The following AKAP12 variants were observed in gnomAD, a reference collection of about 807,000 sequenced individuals.
The protein encoded by AKAP12 is A-kinase anchor protein 12.
AKAP12 carries 32 observed loss-of-function variants against 79.9 expected under a neutral mutation model. The observed-to-expected ratio is 0.40, with a 90% CI of 0.30 to 0.54. The LOEUF (loss-of-function observed/expected upper bound fraction) is 0.54, where lower values mean the gene tolerates loss of function less well. Ranked by LOEUF, AKAP12 falls within the 20% of genes least tolerant of loss-of-function variation. The pLI, the probability that AKAP12 is intolerant of heterozygous loss-of-function variation, is 0.48. For synonymous variants in AKAP12, 808 were observed against 857.0 expected (o/e 0.94, Z 1.00); for missense variants, 2,074 against 2,177.0 (o/e 0.95, Z 0.94).
chr6:151,249,102 T>G (rs1356852958), intron 2 of AKAP12, among the ~76,000 whole-genome samples: 1 of 152,226 alleles, frequency 6.6e-6, no homozygotes, highest in East Asian at 1.9e-4. Context: ...CTGTGACTTT[T>G]CGGTGTTCCC....
intron 2 of AKAP12, among the ~76,000 whole-genome samples, chr6:151,272,026 T>A (rs1331356439): frequency 3.3e-5 from 5 of 152,146 alleles, no homozygotes; most frequent in Non-Finnish European, 7.3e-5. Flanking sequence ...TAACCTTAAA[T>A]ATATTTTATA....
At chr6:151,252,705 A>G (rs9397039) in intron 2 of AKAP12, among the ~76,000 whole-genome samples, 90,288 of 144,160 alleles carry the variant, frequency 0.63, 28,510 homozygotes, top group Admixed American at 0.67. Flanking sequence ...ACCAGCCTGG[A>G]CAAGATACCA....
chr6:151,261,733 T>TTTTA (rs59211098), intron 2 of AKAP12, among the ~76,000 whole-genome samples: 10,650 of 143,906 alleles, frequency 0.074, 479 homozygotes, highest in Admixed American at 0.13. Flanking sequence ...GTTTTTATTA[T>TTTTA]TTTATTTATT....
At chr6:151,270,674 T>C (rs1266539227) in intron 2 of AKAP12, among the ~76,000 whole-genome samples, 1 of 152,186 alleles carries the variant, frequency 6.6e-6, no homozygotes, top group Non-Finnish European at 1.5e-5. Flanking sequence ...AATTTCTCTA[T>C]ATCCTTGGTA....
chr6:151,345,792 A>T (rs1312269681), intron 3 of AKAP12, among the ~76,000 whole-genome samples: 3 of 95,812 alleles, frequency 3.1e-5, no homozygotes, highest in Non-Finnish European at 1.9e-5. Context: ...ACTCTGTCTT[A>T]AAAAAAAAAA....
chr6:151,336,514 G>A (rs1474079086), intron 3 of AKAP12, among the ~76,000 whole-genome samples: 1 of 152,154 alleles, frequency 6.6e-6, no homozygotes, highest in East Asian at 1.9e-4. Context: ...GGAGGCTGAG[G>A]CAGGTGGATC....
chr6:151,357,709 A>ATTTTT lies in AKAP12; in HGVS notation c.*2012_*2016dup, dbSNP rs33929436. ...AAAAAACCTCTGATATATATATATAATTTTTTTTTTTTTTTTTTTTTGGCC... is the reference window on the plus strand; with the variant it reads ...AAAAAACCTCTGATATATATATATAATTTTTTTTTTTTTTTTTTTTTTTTTTGGCC... On this transcript the variant is annotated 3_prime_UTR_variant, in exon 5 of 5. Coordinates refer to ENST00000402676, the MANE Select transcript of AKAP12 (RefSeq NM_005100.4). 1 of 102,700 alleles carries ATTTTT rather than the reference A, an allele frequency of 9.7e-6. No homozygotes were observed. The highest frequency in any genetic ancestry group is 3.3e-5 in the African/African-American group (1 of 30,556). The allele number at this position is 102,700 out of a possible 1,614,324, so 6.4% of individuals were successfully genotyped here.
intron 3 of AKAP12, chr6:151,325,186 C>T: frequency 1.0e-6 from 1 of 985,412 alleles, no homozygotes; most frequent in Non-Finnish European, 1.2e-6. Context: ...GCGTAAGACA[C>T]AGATGGTGAA....
chr6:151,294,152 T>G (rs932166521), intron 2 of AKAP12, among the ~76,000 whole-genome samples: 1 of 152,114 alleles, frequency 6.6e-6, no homozygotes, highest in Non-Finnish European at 1.5e-5. Context: ...TTTTGTATTT[T>G]TAGTAGAGAC....
intron 2 of AKAP12, among the ~76,000 whole-genome samples, chr6:151,253,178 T>TATAA (rs1227806937): frequency 6.6e-6 from 1 of 152,198 alleles, no homozygotes; most frequent in East Asian, 1.9e-4. Context: ...GGCTCCTAGT[T>TATAA]TTCTTCACTC....
intron 2 of AKAP12, among the ~76,000 whole-genome samples, chr6:151,251,929 G>A (rs1180020325): frequency 1.3e-5 from 2 of 152,208 alleles, no homozygotes; most frequent in South Asian, 2.1e-4. Context: ...CCCGGGAGGC[G>A]GAGGCTGCAT....
intron 2 of AKAP12, among the ~76,000 whole-genome samples, chr6:151,289,786 A>G (rs755559148): frequency 1.3e-5 from 2 of 152,208 alleles, no homozygotes; most frequent in Non-Finnish European, 2.9e-5. Flanking sequence ...CACCAGGTTA[A>G]CTTTGTAAAG....
At chr6:151,302,480 G>A (rs1167978406) in intron 2 of AKAP12, among the ~76,000 whole-genome samples, 2 of 152,154 alleles carry the variant, frequency 1.3e-5, no homozygotes, top group East Asian at 1.9e-4. Context: ...TAAAAGAGTA[G>A]ACGGAAATTT....
At chr6:151,308,459 C>T (rs543952969) in intron 3 of AKAP12, among the ~76,000 whole-genome samples, 5 of 152,018 alleles carry the variant, frequency 3.3e-5, no homozygotes, top group East Asian at 1.9e-4. Flanking sequence ...GTGATCCGCC[C>T]GCCTCAGCCT....
chr6:151,299,328 A>G (rs369124588), intron 2 of AKAP12, among the ~76,000 whole-genome samples: 2 of 152,332 alleles, frequency 1.3e-5, no homozygotes, highest in African/African-American at 4.8e-5. Context: ...CTAAGAATCT[A>G]TGAGTTTTAG....
intron 3 of AKAP12, among the ~76,000 whole-genome samples, chr6:151,326,602 C>G (rs978165169): frequency 6.6e-6 from 1 of 151,834 alleles, no homozygotes; most frequent in African/African-American, 2.4e-5. Context: ...TAGCAAATAA[C>G]TTACACGCAT....
At chr6:151,249,409 A>G (rs1797134094) in intron 2 of AKAP12, among the ~76,000 whole-genome samples, 1 of 152,172 alleles carries the variant, frequency 6.6e-6, no homozygotes, top group Non-Finnish European at 1.5e-5. Flanking sequence ...CGAACTCCTG[A>G]GCTCAAGTGA....
At position 151,292,233 on chromosome 6, in the gene AKAP12, A is replaced by T. The variant is rs1258065895; in HGVS notation, c.163-13514A>T. Among the ~76,000 whole-genome samples, 3 of 152,238 alleles carry T rather than the reference A, an allele frequency of 2.0e-5. No homozygotes were observed. The East Asian group carries it at 5.8e-4, about 29-fold the overall frequency. On this transcript the variant is annotated intron_variant, in intron 2 of 4. Transcript: ENST00000402676. ...TAGGCCATCTTTGCAAATCAAGTGC[A>T]TTCTACTGAAAAGGAGACAAGCAAT...
At chr6:151,339,569 G>A (rs566831655) in intron 3 of AKAP12, among the ~76,000 whole-genome samples, 33 of 152,068 alleles carry the variant, frequency 2.2e-4, no homozygotes, top group African/African-American at 7.2e-4. Context: ...TACAATCAAT[G>A]AACCTGCACT....
Sources: allele counts gnomAD v4.1 joint callset (sites outside exome capture counted in the v4.1 genomes callset), GRCh38; gene constraint gnomAD v4.1.1; transcripts MANE v1.5; gene names NCBI Gene and HGNC (gene_info 2026-07-23, HGNC 2026-07-21).